Variants in FOXP2 observed in about 807,000 individuals in gnomAD.
FOXP2 encodes the protein forkhead box P2.
FOXP2 carries 12 observed loss-of-function variants against 115.8 expected under a neutral mutation model. The ratio of observed to expected loss-of-function variants is 0.10; its 90% CI spans 0.07 to 0.17. The LOEUF (loss-of-function observed/expected upper bound fraction) is 0.17, where lower values mean the gene tolerates loss of function less well. FOXP2 is among the 10% of genes least tolerant of loss of function. The probability of loss-of-function intolerance (pLI) is 1.00; values close to 1 mark genes in which losing one functional copy is unlikely to be tolerated. For synonymous variants in FOXP2, 328 were observed against 297.7 expected (o/e 1.10, Z -1.05); for missense variants, 629 against 843.5 (o/e 0.75, Z 3.15).
At chr7:114,319,814 A>G (rs1294975372) in intron 2 of FOXP2, among the ~76,000 whole-genome samples, 1 of 152,182 alleles carries the variant, frequency 6.6e-6, no homozygotes, top group Non-Finnish European at 1.5e-5. Flanking sequence ...TGTTATTTTG[A>G]TTGCTGGCTG....
intron 16 of FOXP2, among the ~76,000 whole-genome samples, chr7:114,687,358 T>G (rs1290137711): frequency 1.3e-5 from 2 of 152,188 alleles, no homozygotes; most frequent in African/African-American, 2.4e-5. Context: ...AATAATCCTG[T>G]CATAATATGC....
At chr7:114,098,421 T>A (rs1799699595) in intron 1 of FOXP2, among the ~76,000 whole-genome samples, 2 of 151,962 alleles carry the variant, frequency 1.3e-5, no homozygotes, top group African/African-American at 2.4e-5. Context: ...TGGAAATAAA[T>A]CCAAATGGTC....
At position 114,601,511 on chromosome 7, in the gene FOXP2, C is replaced by A. The variant is rs182425726; in HGVS notation, c.259-27029C>A. Among the ~76,000 whole-genome samples, 41 of 152,044 alleles carry A rather than the reference C, an allele frequency of 2.7e-4. 1 individual carries two copies. Among genetic ancestry groups the A allele is most frequent in the South Asian group, 1.7e-3 (8 of 4,820 alleles). The stretch of plus-strand genomic sequence containing the variant: ...ATTTCTATTCTTAACGTTATTATTT[C>A]TTTTCTTCTAGTTCTTTGGTTTTCA... On this transcript the variant is annotated intron_variant, in intron 3 of 16. Transcript: ENST00000350908.
At chr7:114,466,777 A>G (rs1383903111) in intron 2 of FOXP2, among the ~76,000 whole-genome samples, 1 of 152,218 alleles carries the variant, frequency 6.6e-6, no homozygotes, top group Admixed American at 6.5e-5. Flanking sequence ...AACAAAAGGA[A>G]GAGACATGTT....
chr7:114,511,904 T>G (rs1026157000), intron 2 of FOXP2, among the ~76,000 whole-genome samples: 2 of 152,148 alleles, frequency 1.3e-5, no homozygotes, highest in Non-Finnish European at 1.5e-5. Flanking sequence ...GTAATTAATT[T>G]TCAGTAATAT....
At chr7:114,499,216 G>C in intron 2 of FOXP2, 1 of 348,922 alleles carries the variant, frequency 2.9e-6, no homozygotes, top group Non-Finnish European at 5.2e-6. Flanking sequence ...GCTTGTCCCA[G>C]AGTGATTATG....
chr7:114,284,455 T>C (rs1040546259), intron 1 of FOXP2, among the ~76,000 whole-genome samples: 2 of 152,314 alleles, frequency 1.3e-5, no homozygotes, highest in South Asian at 2.1e-4. Context: ...AGTTTCTGTC[T>C]CCTTCAAATT....
At chr7:114,410,229 A>C (rs1441116663), upstream of FOXP2, among the ~76,000 whole-genome samples, 2 of 152,114 alleles carry the variant, frequency 1.3e-5, no homozygotes, top group African/African-American at 4.8e-5. Flanking sequence ...ACATATCTGT[A>C]GTACTTGATT....
chr7:114,188,447 A>G (rs960395989), intron 1 of FOXP2, among the ~76,000 whole-genome samples: 1 of 152,106 alleles, frequency 6.6e-6, no homozygotes, highest in Admixed American at 6.5e-5. Context: ...TTTGCTCCTT[A>G]TACTTTGGGT....
At chr7:114,330,800 T>C (rs979399845) in intron 2 of FOXP2, among the ~76,000 whole-genome samples, 1 of 152,120 alleles carries the variant, frequency 6.6e-6, no homozygotes, top group Admixed American at 6.5e-5. Context: ...AATATCTGTT[T>C]ATAGTTTCGA....
intron 2 of FOXP2, among the ~76,000 whole-genome samples, chr7:114,469,532 C>G (rs1303042945): frequency 2.6e-5 from 4 of 152,056 alleles, no homozygotes; most frequent in Non-Finnish European, 2.9e-5. Flanking sequence ...GTTGGTATGC[C>G]TAGAATTATA....
intron 2 of FOXP2, among the ~76,000 whole-genome samples, chr7:114,455,482 A>G (rs1306360522): frequency 1.3e-5 from 2 of 152,168 alleles, no homozygotes; most frequent in African/African-American, 4.8e-5. Context: ...AAAACCAGTA[A>G]AAAATAGAGT....
intron 1 of FOXP2, among the ~76,000 whole-genome samples, chr7:114,264,397 C>T (rs1449660676): frequency 1.3e-5 from 2 of 152,170 alleles, no homozygotes; most frequent in East Asian, 3.9e-4. Flanking sequence ...TTGTAACTTA[C>T]TGTTACTATG....
At chr7:114,309,611 TTGTC>T (rs1304238833) in intron 2 of FOXP2, among the ~76,000 whole-genome samples, 41 of 152,114 alleles carry the variant, frequency 2.7e-4, no homozygotes, top group African/African-American at 9.9e-4. Context: ...TGACTCAAGA[TTGTC>T]TGATCAGCAG....
chr7:114,688,110 GTTT>G (rs60515489), intron 16 of FOXP2, among the ~76,000 whole-genome samples: 1 of 138,528 alleles, frequency 7.2e-6, no homozygotes, highest in Non-Finnish European at 1.6e-5. Flanking sequence ...AAACTTCAGG[GTTT>G]TTTTTTTTTT....
At chr7:114,109,102 T>G (rs1431305842) in intron 1 of FOXP2, among the ~76,000 whole-genome samples, 1 of 151,998 alleles carries the variant, frequency 6.6e-6, no homozygotes, top group Non-Finnish European at 1.5e-5. Context: ...TACACCAAAG[T>G]GTCAGATTTT....
chr7:114,385,276 G>A (rs1368852077), intron 2 of FOXP2, among the ~76,000 whole-genome samples: 1 of 152,140 alleles, frequency 6.6e-6, no homozygotes, highest in Non-Finnish European at 1.5e-5. Flanking sequence ...GGAAATGAAA[G>A]TCTGAACCAT....
chr7:114,611,644 T>C (rs1803634543), intron 3 of FOXP2, among the ~76,000 whole-genome samples: 1 of 150,914 alleles, frequency 6.6e-6, no homozygotes, highest in Non-Finnish European at 1.5e-5. Context: ...GGAAGTTTTC[T>C]TTTTTTTCTG....
intron 2 of FOXP2, among the ~76,000 whole-genome samples, chr7:114,370,196 C>T (rs1267721678): frequency 6.6e-6 from 1 of 152,118 alleles, no homozygotes; most frequent in Non-Finnish European, 1.5e-5. Context: ...TCTTTATTAC[C>T]TTGTACTCTT....
Sources: allele counts gnomAD v4.1 joint callset (sites outside exome capture counted in the v4.1 genomes callset), GRCh38; gene constraint gnomAD v4.1.1; transcripts MANE v1.5; gene names NCBI Gene and HGNC (gene_info 2026-07-23, HGNC 2026-07-21).